TCF12: variants seen among roughly 807,000 people sequenced by gnomAD.
TCF12 encodes transcription factor 12, also known as DNA-binding protein HTF4.
In TCF12, 45 loss-of-function variants were observed where a neutral mutation model predicts 86.0. The observed-to-expected ratio is 0.52, with a 90% CI of 0.41 to 0.67. The LOEUF is 0.67. Among genes scored for constraint, TCF12 ranks in the 30% least tolerant of loss-of-function variants. The pLI, the probability that TCF12 is intolerant of heterozygous loss-of-function variation, is 0.00. For synonymous variants in TCF12, 330 were observed against 299.6 expected, an observed-to-expected ratio of 1.10 and a Z score of -1.05; for missense variants, 881 against 859.9, an observed-to-expected ratio of 1.02 and a Z score of -0.31.
At chr15:57,252,376 A>G in intron 14 of TCF12, 45 bp from the exon 15 acceptor site, 1 of 1,512,308 alleles carries the variant, frequency 6.6e-7, no homozygotes, top group Admixed American at 1.7e-5. Context: ...TTTGGAGTTA[A>G]TCTTAACCTG....
chr15:56,927,810 A>G (rs1459991248), intron 3 of TCF12, among the ~76,000 whole-genome samples: 1 of 152,216 alleles, frequency 6.6e-6, no homozygotes, highest in Non-Finnish European at 1.5e-5. Flanking sequence ...GATTGATGTT[A>G]ATGGTGGAGT....
At chr15:56,987,405 G>A (rs1036411261) in intron 3 of TCF12, among the ~76,000 whole-genome samples, 3 of 152,148 alleles carry the variant, frequency 2.0e-5, no homozygotes, top group South Asian at 2.1e-4. Flanking sequence ...TTGAGCCACC[G>A]TGCCTGGCCT....
intron 4 of TCF12, among the ~76,000 whole-genome samples, chr15:57,089,038 T>C (rs1275309045): frequency 3.3e-5 from 5 of 152,252 alleles, no homozygotes; most frequent in Non-Finnish European, 7.3e-5. Flanking sequence ...AAACAGTAGC[T>C]ACCCCCAGTC....
intron 3 of TCF12, among the ~76,000 whole-genome samples, chr15:57,012,857 T>G (rs2064916078): frequency 6.6e-6 from 1 of 152,214 alleles, no homozygotes; most frequent in African/African-American, 2.4e-5. Flanking sequence ...TTGGTTTCTT[T>G]GCTTATTTTT....
chr15:56,931,587 C>T (rs79558886), intron 3 of TCF12, among the ~76,000 whole-genome samples: 2,118 of 152,246 alleles, frequency 0.014, 27 homozygotes, highest in East Asian at 0.069. Context: ...CAGACAAAAT[C>T]AGTCTTTGGT....
chr15:57,213,232 T>C (rs2058189004), intron 8 of TCF12, among the ~76,000 whole-genome samples: 1 of 152,232 alleles, frequency 6.6e-6, no homozygotes, highest in Non-Finnish European at 1.5e-5. Flanking sequence ...AAGTGAAGTA[T>C]TTTTTGGCTT....
At chr15:57,217,085 G>A (rs2058363101) in intron 8 of TCF12, among the ~76,000 whole-genome samples, 1 of 152,052 alleles carries the variant, frequency 6.6e-6, no homozygotes, top group Non-Finnish European at 1.5e-5. Flanking sequence ...GGCAGGGGAG[G>A]TCTTACCTAC....
intron 5 of TCF12, among the ~76,000 whole-genome samples, chr15:57,139,475 A>AT (rs2052796651): frequency 6.6e-6 from 1 of 152,186 alleles, no homozygotes. Flanking sequence ...CAGAAGACAG[A>AT]TTCTCTTGAC....
At position 57,083,252 on chromosome 15, in the gene TCF12, T is replaced by C. The variant is rs529061322; in HGVS notation, c.223-8537T>C. Among the ~76,000 whole-genome samples the C allele has an allele frequency of 1.2e-3, 187 of 152,278 alleles. 2 individuals carry two copies. The highest frequency in any genetic ancestry group is 1.1e-3 in the Non-Finnish European group (78 of 68,014). ...TTGTTGAGTTGTGGGCACATGACTTTTTATTATGTACATTTTAATATGTCT... is the reference window on the plus strand; with the variant it reads ...TTGTTGAGTTGTGGGCACATGACTTCTTATTATGTACATTTTAATATGTCT... On this transcript the variant is annotated intron_variant, in intron 4 of 20. Transcript: ENST00000333725.
intron 5 of TCF12, among the ~76,000 whole-genome samples, chr15:57,147,083 A>T (rs1378216174): frequency 6.6e-6 from 1 of 152,242 alleles, no homozygotes. Context: ...TTGGGAAAAT[A>T]GCAGTGCCTT....
intron 13 of TCF12, chr15:57,247,688 G>A: frequency 1.3e-6 from 1 of 747,204 alleles, no homozygotes; most frequent in Non-Finnish European, 2.4e-6. Context: ...TGTTAGATGG[G>A]CACCAGACTT....
At chr15:57,118,759 G>A (rs1324075251) in intron 5 of TCF12, among the ~76,000 whole-genome samples, 2 of 152,140 alleles carry the variant, frequency 1.3e-5, no homozygotes, top group African/African-American at 4.8e-5. Flanking sequence ...TGTTTAACCA[G>A]TGTAAAGGCA....
At chr15:57,140,139 G>T (rs376894049) in intron 5 of TCF12, among the ~76,000 whole-genome samples, 1 of 152,144 alleles carries the variant, frequency 6.6e-6, no homozygotes, top group Non-Finnish European at 1.5e-5. Context: ...GTTAACCAAA[G>T]GATGGAAGTA....
At chr15:56,967,479 A>T (rs2062061517) in intron 3 of TCF12, among the ~76,000 whole-genome samples, 1 of 152,158 alleles carries the variant, frequency 6.6e-6, no homozygotes. Context: ...GCCTTTCTTT[A>T]ACTCTGGCTC....
At chr15:57,125,750 T>C (rs1351606953) in intron 5 of TCF12, among the ~76,000 whole-genome samples, 3 of 152,240 alleles carry the variant, frequency 2.0e-5, no homozygotes, top group Non-Finnish European at 4.4e-5. Flanking sequence ...TTATGTAGTT[T>C]TAAAATTATT....
intron 5 of TCF12, among the ~76,000 whole-genome samples, chr15:57,152,604 A>G (rs539390977): frequency 1.3e-5 from 2 of 152,330 alleles, no homozygotes; most frequent in East Asian, 1.9e-4. Context: ...CAGTTGCTGA[A>G]GAAATGGGTG....
At chr15:56,978,276 G>T (rs1486012598) in intron 3 of TCF12, among the ~76,000 whole-genome samples, 1 of 152,082 alleles carries the variant, frequency 6.6e-6, no homozygotes, top group Admixed American at 6.6e-5. Context: ...ATAGTGAAAA[G>T]AATACATAAT....
In TCF12 at chr15:57,091,355, A is replaced by C. The variant is rs1394702170; in HGVS notation, c.223-434A>C. 2.6e-5 allele frequency among the ~76,000 whole-genome samples: 4 copies of C among 152,164 alleles called. No homozygotes were observed. The East Asian group carries it at 5.8e-4, about 22-fold the overall frequency. On this transcript the variant is annotated intron_variant, in intron 4 of 20. Coordinates refer to ENST00000333725, the MANE Select transcript of TCF12 (RefSeq NM_207037.2). ...GGGGCAGGGAGTGAATAGGAGGATA[A>C]AGATAAGCATTTCCCTAATTTATTA...
chr15:57,072,440 C>T (rs927977358), intron 4 of TCF12, among the ~76,000 whole-genome samples: 1 of 152,126 alleles, frequency 6.6e-6, no homozygotes, highest in African/African-American at 2.4e-5. Flanking sequence ...AGCTTTTACT[C>T]AGTTGTCCCA....
Sources: gnomAD v4.1 joint callset for allele counts (sites outside exome capture counted in the v4.1 genomes callset) on GRCh38, gnomAD v4.1.1 for gene constraint, MANE v1.5 for transcripts, NCBI Gene and HGNC (gene_info 2026-07-23, HGNC 2026-07-21) for gene names.